Variants in DGKI observed in about 807,000 individuals in gnomAD.
The protein encoded by DGKI is diacylglycerol kinase iota.
Under a neutral mutation model 147.5 loss-of-function variants are expected in DGKI, and 55 were observed. The ratio of observed to expected loss-of-function variants is 0.37; its 90% confidence interval spans 0.30 to 0.47. The LOEUF (loss-of-function observed/expected upper bound fraction) is 0.47, where lower values mean the gene tolerates loss of function less well. Among genes scored for constraint, DGKI ranks in the 20% least tolerant of loss-of-function variants. The pLI is 1.00. For missense variants in DGKI, 1,007 were observed against 1,323.8 expected, an observed-to-expected ratio of 0.76 and a Z score of 3.71; for synonymous variants, 469 against 477.1, an observed-to-expected ratio of 0.98 and a Z score of 0.22.
chr7:137,792,444 C>T (rs947379465), intron 1 of DGKI, among the ~76,000 whole-genome samples: 7 of 152,188 alleles, frequency 4.6e-5, no homozygotes, highest in African/African-American at 1.2e-4. Context: ...CAAATAAGCA[C>T]TGTGTTGGGT....
chr7:137,597,374 A>G (rs1314025452), intron 12 of DGKI, among the ~76,000 whole-genome samples: 1 of 152,164 alleles, frequency 6.6e-6, no homozygotes, highest in Non-Finnish European at 1.5e-5. Flanking sequence ...TATGTCAACA[A>G]AAAAGAACAT....
At chr7:137,580,149 T>C (rs769277263) in intron 15 of DGKI, among the ~76,000 whole-genome samples, 8 of 152,134 alleles carry the variant, frequency 5.3e-5, no homozygotes, top group Non-Finnish European at 1.0e-4. Flanking sequence ...AGACCTCTTT[T>C]CATGCCTATT....
chr7:137,595,145 C>A (rs1325274193), intron 12 of DGKI, among the ~76,000 whole-genome samples: 16 of 152,100 alleles, frequency 1.1e-4, no homozygotes, highest in Admixed American at 1.0e-3. Flanking sequence ...AAATTAGTTA[C>A]CCTTATGGAA....
At chr7:137,677,440 T>G (rs1486152901) in intron 3 of DGKI, among the ~76,000 whole-genome samples, 3 of 152,186 alleles carry the variant, frequency 2.0e-5, no homozygotes, top group African/African-American at 7.2e-5. Context: ...GATTCCCAAC[T>G]TCACTTAAAC....
chr7:137,678,499 C>G (rs558222309), intron 3 of DGKI, 58 bp downstream of exon 3: 35 of 1,497,510 alleles, frequency 2.3e-5, no homozygotes, highest in East Asian at 4.5e-5. Context: ...GGCAAGGTGA[C>G]CCCTCTATTC....
rs1811071335 is a variant in DGKI, at chr7:137,381,948, T to C, written c.*9272A>G. The C allele has an allele frequency of 1.3e-5, 2 of 152,076 alleles. No individual in the cohort carries two copies. Among genetic ancestry groups the C allele is most frequent in the African/African-American group, 4.8e-5 (2 of 41,434 alleles). The allele number at this position is 152,076 out of a possible 1,614,324, so 9.4% of individuals were successfully genotyped here. A position where few individuals can be genotyped will look rare whatever the true frequency, so the allele number is the denominator to read the frequency against. On this transcript the variant is annotated 3_prime_UTR_variant, in exon 33 of 33. Coordinates refer to ENST00000614521, the MANE Select transcript of DGKI (RefSeq NM_001321708.2). Reference sequence around the variant, plus strand: ...TTGCATTGGAAATTATGCTTGTATGTAATTAGAGTCTCAATCCAACCAATG... The same window carrying C: ...TTGCATTGGAAATTATGCTTGTATGCAATTAGAGTCTCAATCCAACCAATG...
Position 137,632,394 on chromosome 7 carries a change from A to T in DGKI, c.805-8840T>A, listed in dbSNP as rs1821152234. ...AATAACACAGCAAGAGTCTATGGTA[A>T]CACTTTTCTGGTCTTTAACTAAAAG... On this transcript the variant is annotated intron_variant, in intron 6 of 32. Transcript: ENST00000614521. Among the ~76,000 whole-genome samples, 3 of 152,196 alleles carry T rather than the reference A, an allele frequency of 2.0e-5. No individual in the cohort carries two copies. In the South Asian group the frequency reaches 6.2e-4, roughly 31 times the overall value.
At position 137,419,284 on chromosome 7, in the gene DGKI, C is replaced by T. The variant is rs143870188; in HGVS notation, c.2762-7077G>A. ...GTGTGCCAACAGAGACAAAATCCAT[C>T]GCAAATGTGACACAAATAATTCTCT... On this transcript the variant is annotated intron_variant, in intron 28 of 32. Coordinates refer to ENST00000614521, the MANE Select transcript of DGKI (RefSeq NM_001321708.2). Among the ~76,000 whole-genome samples the T allele has an allele frequency of 8.3e-4, 127 of 152,300 alleles. No individual in the cohort carries two copies. In the Middle Eastern group the frequency reaches 0.01, roughly 12 times the overall value.
At chr7:137,491,300 C>A (rs1237526334) in intron 21 of DGKI, among the ~76,000 whole-genome samples, 1 of 152,294 alleles carries the variant, frequency 6.6e-6, no homozygotes, top group African/African-American at 2.4e-5. Context: ...ATTAATTGAT[C>A]ATCTGAAGAC....
At chr7:137,442,010 A>T (rs1410095157) in intron 28 of DGKI, among the ~76,000 whole-genome samples, 1 of 152,228 alleles carries the variant, frequency 6.6e-6, no homozygotes, top group Non-Finnish European at 1.5e-5. Context: ...TTCTGGTAAT[A>T]AAGAAAAAAG....
chr7:137,403,086 G>A (rs1472477661), intron 30 of DGKI, among the ~76,000 whole-genome samples: 1 of 152,060 alleles, frequency 6.6e-6, no homozygotes, highest in East Asian at 1.9e-4. Flanking sequence ...AACGAGGGGG[G>A]AGGGAGCGGG....
chr7:137,755,310 C>T (rs117198323), intron 1 of DGKI, among the ~76,000 whole-genome samples: 2 of 152,100 alleles, frequency 1.3e-5, no homozygotes, highest in African/African-American at 2.4e-5. Flanking sequence ...CCCCACCAAA[C>T]GAGGGGGCCA....
chr7:137,441,004 C>T (rs927480456), intron 28 of DGKI, among the ~76,000 whole-genome samples: 2 of 152,154 alleles, frequency 1.3e-5, no homozygotes, highest in Non-Finnish European at 2.9e-5. Flanking sequence ...TATTCTCTCC[C>T]GTCCTCTTTA....
chr7:137,432,406 AT>A (rs1398322793), intron 28 of DGKI, among the ~76,000 whole-genome samples: 2 of 152,184 alleles, frequency 1.3e-5, no homozygotes, highest in African/African-American at 2.4e-5. Context: ...TTATAAAAAA[AT>A]CTATATGCCC....
Position 137,732,569 on chromosome 7 carries a change from T to A in DGKI, c.402-42567A>T, listed in dbSNP as rs79124340. On this transcript the variant is annotated intron_variant, in intron 1 of 32. Coordinates refer to ENST00000614521, the MANE Select transcript of DGKI (RefSeq NM_001321708.2). ...CTTATAGGCTGTTCCTGGGTTCTGA[T>A]AGACACTGTCTGAATGGTGCAGACT... 7.8e-3 allele frequency among the ~76,000 whole-genome samples: 1,188 copies of A among 152,154 alleles called. 11 individuals carry two copies. Among genetic ancestry groups the A allele is most frequent in the African/African-American group, 0.027 (1,130 of 41,536 alleles).
intron 1 of DGKI, among the ~76,000 whole-genome samples, chr7:137,817,840 T>C (rs1585529244): frequency 1.3e-5 from 2 of 152,374 alleles, no homozygotes; most frequent in South Asian, 4.1e-4. Context: ...GTCTTTAATA[T>C]GCCACATCTG....
intron 1 of DGKI, chr7:137,721,910 C>T (rs1190428620): frequency 2.2e-6 from 2 of 901,264 alleles, no homozygotes; most frequent in African/African-American, 3.4e-5. Flanking sequence ...TCCAATCCTC[C>T]ATCAAGCCAG....
intron 24 of DGKI, 99 bp from the exon 25 acceptor site, chr7:137,467,041 G>A (rs746885914): frequency 4.9e-5 from 57 of 1,157,690 alleles, no homozygotes; most frequent in Non-Finnish European, 6.8e-5. Context: ...ACCCCTACAT[G>A]GCAGTCATGC....
intron 8 of DGKI, among the ~76,000 whole-genome samples, chr7:137,618,151 A>ATATATATATATATATTT: frequency 6.7e-4 from 7 of 10,458 alleles, no homozygotes; most frequent in Admixed American, 3.7e-3. Flanking sequence ...ATATATATAT[A>ATATATATATATATATTT]TTTTTTTTTT....
Sources: allele counts gnomAD v4.1 joint callset (sites outside exome capture counted in the v4.1 genomes callset), GRCh38; gene constraint gnomAD v4.1.1; transcripts MANE v1.5; gene names NCBI Gene and HGNC (gene_info 2026-07-23, HGNC 2026-07-21).